VTI1A: variants seen among roughly 807,000 people sequenced by gnomAD.
VTI1A encodes the protein vesicle transport through interaction with t-SNAREs homolog 1A.
VTI1A carries 22 observed loss-of-function variants against 34.9 expected under a neutral mutation model. The observed-to-expected ratio is 0.63, with a 90% CI of 0.45 to 0.90. The LOEUF is 0.90. VTI1A is among the 40% of genes least tolerant of loss of function. VTI1A has a pLI of 0.00. For missense variants in VTI1A, 268 were observed against 275.6 expected, an observed-to-expected ratio of 0.97 and a Z score of 0.20; for synonymous variants, 87 against 97.3, an observed-to-expected ratio of 0.89 and a Z score of 0.62.
chr10:112,590,971 C>T (rs1269756251), intron 5 of VTI1A, among the ~76,000 whole-genome samples: 2 of 152,070 alleles, frequency 1.3e-5, no homozygotes, highest in African/African-American at 4.8e-5. Flanking sequence ...CATGATGGCA[C>T]ATGCCTATAA....
intron 4 of VTI1A, 41 bp downstream of exon 4, chr10:112,527,205 G>A (rs1185311841): frequency 6.3e-7 from 1 of 1,589,114 alleles, no homozygotes; most frequent in Admixed American, 1.7e-5. Context: ...TGGCTGGAGG[G>A]TGAAGGAGGT....
At position 112,815,506 on chromosome 10, in the gene VTI1A, C is replaced by A. The variant is rs139500767; in HGVS notation, c.*123C>A. On this transcript the variant is annotated 3_prime_UTR_variant, in exon 8 of 8. Transcript: ENST00000393077. ...AGGTGACCCTCTCTCTCCCTCACCG[C>A]CGTTGGGCTGAAGTGCAAAGAGTGT... is the stretch of plus-strand genomic sequence containing the variant. The A allele has an allele frequency of 3.3e-4, 267 of 806,252 alleles. No homozygotes were observed. The East Asian group carries it at 6.2e-3, about 19-fold the overall frequency. 49.9% of individuals were successfully genotyped at this position (806,252 alleles called of 1,614,324 possible).
At chr10:112,543,980 G>A (rs1850970928) in intron 5 of VTI1A, among the ~76,000 whole-genome samples, 1 of 152,160 alleles carries the variant, frequency 6.6e-6, no homozygotes, top group African/African-American at 2.4e-5. Context: ...TCAAAGATTA[G>A]TTGATTGTAG....
intron 7 of VTI1A, among the ~76,000 whole-genome samples, chr10:112,789,875 C>T (rs1405969029): frequency 6.6e-6 from 1 of 151,856 alleles, no homozygotes; most frequent in Non-Finnish European, 1.5e-5. Flanking sequence ...CTAAATCTAA[C>T]ATCAGATCCA....
At chr10:112,450,579 G>A (rs983165060) in intron 1 of VTI1A, 1 of 152,128 alleles carries the variant, frequency 6.6e-6, no homozygotes, top group African/African-American at 2.4e-5. Context: ...CTATTGAAAT[G>A]AACTTTACTC....
intron 5 of VTI1A, among the ~76,000 whole-genome samples, chr10:112,576,019 C>CTTT (rs760363890): frequency 1.1e-4 from 15 of 131,310 alleles, no homozygotes; most frequent in Non-Finnish European, 1.5e-4. Context: ...CTTTTCTTTT[C>CTTT]TTTTTTTTTT....
intron 5 of VTI1A, among the ~76,000 whole-genome samples, chr10:112,665,653 T>C (rs1476671989): frequency 6.6e-6 from 1 of 152,124 alleles, no homozygotes; most frequent in Non-Finnish European, 1.5e-5. Flanking sequence ...TAGCAGACTG[T>C]AGGTCCACTC....
intron 3 of VTI1A, among the ~76,000 whole-genome samples, chr10:112,502,691 A>G (rs1050905550): frequency 6.6e-6 from 1 of 152,164 alleles, no homozygotes; most frequent in Non-Finnish European, 1.5e-5. Context: ...AAGCATGAGC[A>G]TATCTTTAGT....
intron 7 of VTI1A, among the ~76,000 whole-genome samples, chr10:112,787,516 A>C (rs918918314): frequency 1.3e-5 from 2 of 152,018 alleles, no homozygotes; most frequent in African/African-American, 2.4e-5. Flanking sequence ...TAGGCAGATA[A>C]ATTTCTCTCT....
intron 7 of VTI1A, among the ~76,000 whole-genome samples, chr10:112,693,899 A>C (rs1436953545): frequency 6.6e-6 from 1 of 152,192 alleles, no homozygotes; most frequent in Non-Finnish European, 1.5e-5. Flanking sequence ...TTCCTGATCC[A>C]AAACTTAAAA....
intron 5 of VTI1A, among the ~76,000 whole-genome samples, chr10:112,590,323 C>T (rs368905110): frequency 6.7e-6 from 1 of 149,602 alleles, no homozygotes; most frequent in Non-Finnish European, 1.5e-5. Context: ...GATAGATAGA[C>T]AGACAGACAG....
At chr10:112,551,863 G>A (rs1851373824) in intron 5 of VTI1A, among the ~76,000 whole-genome samples, 1 of 152,138 alleles carries the variant, frequency 6.6e-6, no homozygotes, top group African/African-American at 2.4e-5. Flanking sequence ...TTCCTGGGGG[G>A]TGTCCTATGG....
At chr10:112,643,185 CAG>C (rs1033325206) in intron 5 of VTI1A, among the ~76,000 whole-genome samples, 3 of 134,442 alleles carry the variant, frequency 2.2e-5, no homozygotes, top group Non-Finnish European at 4.7e-5. Flanking sequence ...TTTGTAGAGA[CAG>C]AGTTTCACCA....
At chr10:112,810,401 C>CAAAAA (rs55966805) in intron 7 of VTI1A, among the ~76,000 whole-genome samples, 5 of 89,402 alleles carry the variant, frequency 5.6e-5, no homozygotes, top group Non-Finnish European at 9.2e-5. Flanking sequence ...GACTCCATCT[C>CAAAAA]AAAAAAAAAA....
chr10:112,755,287 A>T (rs1316873952), intron 7 of VTI1A, among the ~76,000 whole-genome samples: 6 of 152,122 alleles, frequency 3.9e-5, no homozygotes, highest in African/African-American at 1.4e-4. Flanking sequence ...AAAGAAAAGT[A>T]TGCTTCAAAT....
chr10:112,704,788 A>G (rs879833664), intron 7 of VTI1A, among the ~76,000 whole-genome samples: 1 of 151,688 alleles, frequency 6.6e-6, no homozygotes, highest in Non-Finnish European at 1.5e-5. Context: ...CATTCAATCT[A>G]CATGATAAAA....
chr10:112,595,827 A>G (rs1844613345), intron 5 of VTI1A, among the ~76,000 whole-genome samples: 1 of 152,086 alleles, frequency 6.6e-6, no homozygotes, highest in Non-Finnish European at 1.5e-5. Context: ...TACCCAAAGG[A>G]CTATAAATCA....
intron 5 of VTI1A, among the ~76,000 whole-genome samples, chr10:112,661,673 T>C (rs1847456801): frequency 6.6e-6 from 1 of 152,198 alleles, no homozygotes; most frequent in Admixed American, 6.5e-5. Context: ...TGGAAAGTTG[T>C]TCCATTGTGT....
chr10:112,764,880 A>G (rs1364074509), intron 7 of VTI1A, among the ~76,000 whole-genome samples: 3 of 152,172 alleles, frequency 2.0e-5, no homozygotes, highest in Non-Finnish European at 2.9e-5. Flanking sequence ...ACCCTTGTAC[A>G]TACATATACC....
Sources: allele counts gnomAD v4.1 joint callset (sites outside exome capture counted in the v4.1 genomes callset), GRCh38; gene constraint gnomAD v4.1.1; transcripts MANE v1.5; gene names NCBI Gene and HGNC (gene_info 2026-07-23, HGNC 2026-07-21).